Variants in SEMA3D observed in about 807,000 individuals in gnomAD.
SEMA3D encodes semaphorin 3D.
In SEMA3D, 84 loss-of-function variants were observed where a neutral mutation model predicts 100.1. The observed-to-expected ratio is 0.84, with a 90% confidence interval of 0.70 to 1.01. The LOEUF (loss-of-function observed/expected upper bound fraction) is 1.01, where lower values mean the gene tolerates loss of function less well. Ranked by LOEUF, SEMA3D falls within the 50% of genes least tolerant of loss-of-function variation. SEMA3D has a pLI of 0.00. For synonymous variants in SEMA3D, 312 were observed against 320.7 expected, an observed-to-expected ratio of 0.97 and a Z score of 0.29; for missense variants, 875 against 934.1, an observed-to-expected ratio of 0.94 and a Z score of 0.82.
chr7:85,004,352 T>C (rs1467430267), intron 18 of SEMA3D, among the ~76,000 whole-genome samples: 5 of 152,114 alleles, frequency 3.3e-5, no homozygotes, highest in African/African-American at 1.2e-4. Flanking sequence ...AGTGGAATAA[T>C]GCAAGTATTT....
At chr7:85,235,053 C>T in the SEMA3D span, among the ~76,000 whole-genome samples, 2 of 152,152 alleles carry the variant, frequency 1.3e-5, no homozygotes, top group African/African-American at 2.4e-5. Flanking sequence ...ACAAGATCTT[C>T]AGACAGAGAA....
chr7:85,129,433 T>C (rs1789663242), intron 2 of SEMA3D, among the ~76,000 whole-genome samples: 1 of 152,136 alleles, frequency 6.6e-6, no homozygotes, highest in South Asian at 2.1e-4. Flanking sequence ...ATTAGTTATG[T>C]CAAAGGAGGA....
At chr7:85,045,893 A>G (rs1790995021) in intron 9 of SEMA3D, among the ~76,000 whole-genome samples, 1 of 152,028 alleles carries the variant, frequency 6.6e-6, no homozygotes, top group Admixed American at 6.6e-5. Flanking sequence ...TAGTTGTGAT[A>G]AGAAGAGCAC....
At chr7:85,215,284 G>A in the SEMA3D span, among the ~76,000 whole-genome samples, 1 of 151,818 alleles carries the variant, frequency 6.6e-6, no homozygotes, top group Admixed American at 6.6e-5. Context: ...GTTTCATGTT[G>A]CATTCACCTC....
intron 15 of SEMA3D, 38 bp downstream of exon 15, chr7:85,018,214 C>T (rs781482537): frequency 8.8e-6 from 12 of 1,362,270 alleles, no homozygotes; most frequent in South Asian, 1.2e-5. Context: ...CAGCCCATTG[C>T]TTTTGTGATT....
At chr7:85,162,766 A>C (rs11976729) in intron 1 of SEMA3D, among the ~76,000 whole-genome samples, 11 of 152,188 alleles carry the variant, frequency 7.2e-5, no homozygotes, top group African/African-American at 2.7e-4. Context: ...GCATATGCAC[A>C]AAAAGAAACT....
intron 3 of SEMA3D, among the ~76,000 whole-genome samples, chr7:85,103,110 C>T (rs922857613): frequency 1.3e-5 from 2 of 152,052 alleles, no homozygotes; most frequent in Non-Finnish European, 2.9e-5. Context: ...GGGATTGGAA[C>T]AAGTTCCCTC....
intron 12 of SEMA3D, among the ~76,000 whole-genome samples, chr7:85,034,700 T>A (rs1790643729): frequency 6.6e-6 from 1 of 152,044 alleles, no homozygotes; most frequent in African/African-American, 2.4e-5. Context: ...GAATGGCCAA[T>A]GGGTACATGA....
At chr7:85,124,988 A>T (rs532744421) in intron 2 of SEMA3D, among the ~76,000 whole-genome samples, 2 of 152,172 alleles carry the variant, frequency 1.3e-5, no homozygotes, top group African/African-American at 4.8e-5. Context: ...TTGTATTCAC[A>T]TTATTAGCAA....
At chr7:85,030,582 A>C (rs550323348) in intron 12 of SEMA3D, among the ~76,000 whole-genome samples, 1 of 152,202 alleles carries the variant, frequency 6.6e-6, no homozygotes, top group Admixed American at 6.6e-5. Flanking sequence ...TTATATTTGA[A>C]CTTCAAAAAC....
At chr7:85,182,181 CA>C (rs1791428740) in intron 1 of SEMA3D, among the ~76,000 whole-genome samples, 1 of 151,688 alleles carries the variant, frequency 6.6e-6, no homozygotes, top group African/African-American at 2.4e-5. Flanking sequence ...TGGGCCTTTC[CA>C]AAAATTACAA....
At chr7:85,201,188 C>T in the SEMA3D span, among the ~76,000 whole-genome samples, 1 of 152,130 alleles carries the variant, frequency 6.6e-6, no homozygotes, top group Non-Finnish European at 1.5e-5. Flanking sequence ...CTTTTGTTTT[C>T]ATAGGATGCT....
At chr7:85,231,623 T>C in the SEMA3D span, among the ~76,000 whole-genome samples, 2 of 152,032 alleles carry the variant, frequency 1.3e-5, no homozygotes, top group Non-Finnish European at 2.9e-5. Flanking sequence ...GCTAATTTTT[T>C]GTACTTTTAG....
At chr7:85,196,291 A>G in the SEMA3D span, among the ~76,000 whole-genome samples, 23,720 of 152,108 alleles carry the variant, frequency 0.16, 2,390 homozygotes, top group Non-Finnish European at 0.23. Flanking sequence ...AAACAAAATA[A>G]TTCCAGAGGG....
At chr7:85,133,709 T>A (rs778712039) in intron 2 of SEMA3D, among the ~76,000 whole-genome samples, 3 of 152,018 alleles carry the variant, frequency 2.0e-5, no homozygotes, top group Non-Finnish European at 1.5e-5. Context: ...ATCAACTTTA[T>A]CCTCTGAAAG....
intron 9 of SEMA3D, 57 bp from the exon 10 acceptor site, chr7:85,042,342 T>A: frequency 8.1e-7 from 1 of 1,237,156 alleles, no homozygotes. Flanking sequence ...TACCACTCAC[T>A]AAAACTGGTG....
At chr7:85,232,064 G>T in the SEMA3D span, among the ~76,000 whole-genome samples, 1 of 152,098 alleles carries the variant, frequency 6.6e-6, no homozygotes, top group African/African-American at 2.4e-5. Context: ...GATTACCAGG[G>T]TTGGGACAGA....
At chr7:85,168,630 T>C in intron 1 of SEMA3D, among the ~76,000 whole-genome samples, 1 of 150,390 alleles carries the variant, frequency 6.6e-6, no homozygotes, top group East Asian at 1.9e-4. Context: ...TTTTTTTTTT[T>C]TTTTTTTTTA....
Position 85,140,871 on chromosome 7 carries a change from A to G in SEMA3D, c.-41+12737T>C, listed in dbSNP as rs1215322290. The G allele has an allele frequency of 3.8e-6, 3 of 784,612 alleles. No homozygotes were observed. The African/African-American group carries it at 5.6e-5, about 15-fold the overall frequency. The allele number at this position is 784,612 out of a possible 1,614,324, so 48.6% of individuals were successfully genotyped here. A position where few individuals can be genotyped will look rare whatever the true frequency, so the allele number is the denominator to read the frequency against. On this transcript the variant is annotated intron_variant, in intron 2 of 18. Coordinates refer to ENST00000284136, the MANE Select transcript of SEMA3D (RefSeq NM_001384900.1). ...CCATTAAAAAAATGGTAGGTATACA[A>G]AAAGAAAATCAAAACACCATCTTCC... is the stretch of plus-strand genomic sequence containing the variant.
Sources: allele counts gnomAD v4.1 joint callset (sites outside exome capture counted in the v4.1 genomes callset), GRCh38; gene constraint gnomAD v4.1.1; transcripts MANE v1.5; gene names NCBI Gene and HGNC (gene_info 2026-07-23, HGNC 2026-07-21).